AR: variants seen among roughly 807,000 people sequenced by gnomAD.
AR encodes androgen receptor.
A neutral mutation model predicts 53.9 loss-of-function variants in AR; 8 were observed. The observed-to-expected ratio is 0.15, with a 90% CI of 0.09 to 0.27. The LOEUF (loss-of-function observed/expected upper bound fraction) is 0.27, where lower values mean the gene tolerates loss of function less well. Among genes scored for constraint, AR ranks in the 10% least tolerant of loss-of-function variants. The probability of loss-of-function intolerance (pLI) is 1.00; values close to 1 mark genes in which losing one functional copy is unlikely to be tolerated. For synonymous variants in AR, 359 were observed against 316.4 expected, an observed-to-expected ratio of 1.13 and a Z score of -1.43; for missense variants, 639 against 742.5, an observed-to-expected ratio of 0.86 and a Z score of 1.62.
intron 1 of AR, among the ~76,000 whole-genome samples, chrX:67,642,757 G>A (rs1925852270): frequency 8.9e-6 from 1 of 111,839 alleles, no homozygotes; most frequent in South Asian, 3.7e-4. Context: ...ACTCACAGCA[G>A]CAGCTCAATA....
intron 2 of AR, among the ~76,000 whole-genome samples, chrX:67,655,659 G>A (rs1384998488): frequency 9.0e-6 from 1 of 111,259 alleles, no homozygotes; most frequent in Non-Finnish European, 1.9e-5. Context: ...ATATCCGTTA[G>A]TAGTGTGACC....
Position 67,545,163 on chromosome X carries a change from G to T in AR, c.17G>T (p.Gly6Val), listed in dbSNP as rs748374135. 8.4e-7 allele frequency: 1 copy of T among 1,197,447 alleles called. No homozygotes were observed. Among genetic ancestry groups the T allele is most frequent in the African/African-American group, 1.8e-5 (1 of 56,180 alleles). Residue 6 changes from glycine (G) to valine (V), a missense_variant, in exon 1 of 8, where the codon GGG becomes GTG. Transcript: ENST00000374690. Reference protein sequence around the residue: MEVQLGLGRVYPRPPS... With the variant: MEVQLVLGRVYPRPPS... The stretch of plus-strand genomic sequence containing the variant: ...AGCTCAAGGATGGAAGTGCAGTTAG[G>T]GCTGGGAAGGGTCTACCCTCGGCCG...
In AR at chrX:67,545,086, T is replaced by C; in HGVS notation, c.-61T>C. On this transcript the variant is annotated 5_prime_UTR_variant, in exon 1 of 8. Transcript: ENST00000374690. ...ATCATCACAGCCTGTTGAACTCTTC[T>C]GAGCAAGAGAAGGGGAGGCGGGGTA... is the stretch of plus-strand genomic sequence containing the variant. 1 of 1,152,066 alleles carries C rather than the reference T, an allele frequency of 8.7e-7. No individual in the cohort carries two copies. Among genetic ancestry groups the C allele is most frequent in the Non-Finnish European group, 1.2e-6 (1 of 867,477 alleles). 94.9% of individuals were successfully genotyped at this position (1,152,066 alleles called of 1,213,427 possible).
chrX:67,651,614 G>A (rs772246070), intron 2 of AR, among the ~76,000 whole-genome samples: 2 of 111,821 alleles, frequency 1.8e-5, no homozygotes, highest in Admixed American at 1.9e-4. Context: ...AACAAGAAAG[G>A]CAGCAATGAA....
chrX:67,589,126 G>A (rs1317299064), intron 1 of AR, among the ~76,000 whole-genome samples: 1 of 111,915 alleles, frequency 8.9e-6, no homozygotes, highest in East Asian at 2.8e-4. Context: ...AGCCGGGCGC[G>A]GTGGCGGGCG....
At chrX:67,710,242 G>A (rs2076088393) in intron 3 of AR, among the ~76,000 whole-genome samples, 1 of 111,848 alleles carries the variant, frequency 8.9e-6, no homozygotes, top group Non-Finnish European at 1.9e-5. Context: ...GCTAGACATA[G>A]ACACATGTAC....
Position 67,545,340 on chromosome X carries a change from A to T in AR, c.194A>T (p.Gln65Leu), listed in dbSNP as rs1602143327. The change falls in exon 1 of 8, where the codon CAG (glutamine) becomes CTG (leucine). Residue 65 changes from glutamine to leucine, a missense_variant. By Grantham distance (113) the Gln-to-Leu change is moderately radical (BLOSUM62 -2). Transcript: ENST00000374690. ...CTGCAGCAGCAGCAGCAGCAGCAGC[A>T]GCAGCAGCAGCAGCAGCAGCAGCAG... ...LLLQQQQQQQ[Q>L]QQQQQQQQQQ... The T allele has an allele frequency of 3.5e-6, 4 of 1,127,400 alleles. No homozygotes were observed. The African/African-American group carries it at 6.2e-5, about 17-fold the overall frequency. 92.9% of individuals were successfully genotyped at this position (1,127,400 alleles called of 1,213,427 possible).
intron 3 of AR, among the ~76,000 whole-genome samples, chrX:67,687,925 C>T (rs1230506520): frequency 8.9e-6 from 1 of 112,379 alleles, no homozygotes; most frequent in Non-Finnish European, 1.9e-5. Flanking sequence ...GATGTGATTA[C>T]AGTGAACCAC....
At chrX:67,693,881 T>A (rs771087099) in intron 3 of AR, among the ~76,000 whole-genome samples, 12 of 112,129 alleles carry the variant, frequency 1.1e-4, no homozygotes, top group Admixed American at 9.5e-5. Context: ...ATGGAACCAA[T>A]GCCCCTGTGG....
chrX:67,629,567 G>T (rs1924939660), intron 1 of AR, among the ~76,000 whole-genome samples: 1 of 109,226 alleles, frequency 9.2e-6, no homozygotes, highest in Admixed American at 9.8e-5. Flanking sequence ...TATCAATTTT[G>T]TTGATCCTTT....
rs372174675 is a variant in AR, at chrX:67,550,862, A to G, written c.1616+4100A>G. On this transcript the variant is annotated intron_variant, in intron 1 of 7. Coordinates refer to ENST00000374690, the MANE Select transcript of AR (RefSeq NM_000044.6). ...GACTCTTCTTTCCACTTCTCAGGGT[A>G]TTTTTCTTATTACACCTGTGGCATG... 3.7e-5 allele frequency among the ~76,000 whole-genome samples: 4 copies of G among 108,151 alleles called. No homozygotes were observed. In the East Asian group the frequency reaches 1.2e-3, roughly 31 times the overall value. The allele number at this position is 108,151 out of a possible 115,157, so 93.9% of individuals were successfully genotyped here.
At chrX:67,573,457 C>T (rs1158762348) in intron 1 of AR, among the ~76,000 whole-genome samples, 1 of 111,574 alleles carries the variant, frequency 9.0e-6, no homozygotes, top group Non-Finnish European at 1.9e-5. Flanking sequence ...TTAGGGACAG[C>T]AGGTTTGGCA....
chrX:67,631,993 C>T (rs1043915983), intron 1 of AR, among the ~76,000 whole-genome samples: 1 of 113,323 alleles, frequency 8.8e-6, no homozygotes, highest in Non-Finnish European at 1.9e-5. Flanking sequence ...GCAGTCTGCC[C>T]ATTCTCAGAT....
chrX:67,585,485 C>T (rs950891987), intron 1 of AR, among the ~76,000 whole-genome samples: 7 of 111,348 alleles, frequency 6.3e-5, no homozygotes, highest in South Asian at 7.6e-4. Flanking sequence ...CTTGGCAGTC[C>T]GTAGTGAACA....
At chrX:67,685,793 TA>T (rs764820363) in intron 2 of AR, 32 of 472,739 alleles carry the variant, frequency 6.8e-5, no homozygotes, top group Non-Finnish European at 1.1e-4. Context: ...TGTTCATCCC[TA>T]AAAAAAACAC....
At position 67,728,684 on chromosome X, in the gene AR, A is replaced by T. The variant is rs1482298233; in HGVS notation, c.*4843A>T. ...TATATTTGGTTCCAGATCACACCTG[A>T]TGCCATGTACTTGTGAGAGAGGATG... On this transcript the variant is annotated 3_prime_UTR_variant, in exon 8 of 8. Coordinates refer to ENST00000374690, the MANE Select transcript of AR (RefSeq NM_000044.6). 8.1e-6 allele frequency: 1 copy of T among 123,762 alleles called. No individual in the cohort carries two copies. 10.2% of individuals were successfully genotyped at this position (123,762 alleles called of 1,213,427 possible).
chrX:67,546,502 TGGTGGGGGTGGTGGCGGC>T lies in AR; in HGVS notation c.1359_1376del (p.Gly468_Gly473del). 1 of 787,144 alleles carries T rather than the reference TGGTGGGGGTGGTGGCGGC, an allele frequency of 1.3e-6. No homozygotes were observed. The highest frequency in any genetic ancestry group is 1.7e-6 in the Non-Finnish European group (1 of 600,016). 64.9% of individuals were successfully genotyped at this position (787,144 alleles called of 1,213,427 possible). Reference sequence around the variant, plus strand: ...GCCAGTTGTATGGACCGTGTGGTGGTGGTGGGGGTGGTGGCGGCGGCGGCGGCGGCGGCGGCGGCGGCG... The same window carrying T: ...GCCAGTTGTATGGACCGTGTGGTGGTGGCGGCGGCGGCGGCGGCGGCGGCG... On this transcript the variant is annotated inframe_deletion, in exon 1 of 8. Coordinates refer to ENST00000374690, the MANE Select transcript of AR (RefSeq NM_000044.6).
intron 4 of AR, among the ~76,000 whole-genome samples, chrX:67,713,846 G>T (rs2076102902): frequency 9.0e-6 from 1 of 111,681 alleles, no homozygotes; most frequent in Non-Finnish European, 1.9e-5. Flanking sequence ...CATCTAGCTT[G>T]CCAGACTAAA....
chrX:67,592,892 G>A lies in AR; in HGVS notation c.1616+46130G>A, dbSNP rs1007655338. 2.7e-5 allele frequency among the ~76,000 whole-genome samples: 3 copies of A among 111,129 alleles called. No homozygotes were observed. The Admixed American group carries it at 2.9e-4, about 11-fold the overall frequency. ...AGTATAGCAGTGCGAGTAGGTTTCAGAAGAGCAAAACTAAGACAATCCAGG... is the reference window on the plus strand; with the variant it reads ...AGTATAGCAGTGCGAGTAGGTTTCAAAAGAGCAAAACTAAGACAATCCAGG... On this transcript the variant is annotated intron_variant, in intron 1 of 7. Coordinates refer to ENST00000374690, the MANE Select transcript of AR (RefSeq NM_000044.6).
Sources: allele counts gnomAD v4.1 joint callset (sites outside exome capture counted in the v4.1 genomes callset), GRCh38; gene constraint gnomAD v4.1.1; transcripts MANE v1.5; gene names NCBI Gene and HGNC (gene_info 2026-07-23, HGNC 2026-07-21).